RCAN1: variants seen among roughly 807,000 people sequenced by gnomAD.
The protein encoded by RCAN1 is regulator of calcineurin 1, also known as calcipressin-1.
RCAN1 carries 11 observed loss-of-function variants against 22.9 expected under a neutral mutation model. That is an observed-to-expected ratio of 0.48 (90% CI 0.30 to 0.79). The LOEUF (loss-of-function observed/expected upper bound fraction) is 0.79. RCAN1 is among the 30% of genes least tolerant of loss of function. RCAN1 has a pLI of 0.06. For missense variants in RCAN1, 291 were observed against 337.8 expected (o/e 0.86, Z 1.09); for synonymous variants, 136 against 142.3 (o/e 0.96, Z 0.32).
intron 1 of RCAN1, among the ~76,000 whole-genome samples, chr21:34,567,271 G>A (rs1015972946): frequency 1.2e-4 from 18 of 152,212 alleles, no homozygotes; most frequent in African/African-American, 4.3e-4. Flanking sequence ...CAAGGCGGGA[G>A]GATCAGGAGG....
chr21:34,546,263 T>G (rs1356817348), intron 1 of RCAN1, among the ~76,000 whole-genome samples: 1 of 152,184 alleles, frequency 6.6e-6, no homozygotes. Context: ...TTCCTTACAT[T>G]TCTTCCCAGC....
intron 1 of RCAN1, among the ~76,000 whole-genome samples, chr21:34,556,822 C>A (rs180763107): frequency 6.6e-6 from 1 of 152,286 alleles, no homozygotes; most frequent in East Asian, 1.9e-4. Flanking sequence ...AGTGGTGTGA[C>A]GTCAATCACA....
intron 1 of RCAN1, among the ~76,000 whole-genome samples, chr21:34,573,424 C>A (rs1263219655): frequency 6.6e-6 from 1 of 152,156 alleles, no homozygotes; most frequent in Non-Finnish European, 1.5e-5. Flanking sequence ...GCTTGCCTTG[C>A]CAAATTTCAA....
At chr21:34,521,682 G>C (rs1294515415) in intron 2 of RCAN1, 24 bp from the exon 3 acceptor site, 26 of 1,583,026 alleles carry the variant, frequency 1.6e-5, no homozygotes, top group Non-Finnish European at 2.1e-5. Flanking sequence ...ATAAGCACAG[G>C]TCAGTTGTTG....
At chr21:34,592,597 G>C (rs867962577) in intron 1 of RCAN1, among the ~76,000 whole-genome samples, 3 of 152,112 alleles carry the variant, frequency 2.0e-5, no homozygotes, top group African/African-American at 2.4e-5. Context: ...TCCCGGAGCC[G>C]TCTACATGCC....
chr21:34,517,976 C>A lies in RCAN1; in HGVS notation c.*108G>T. On this transcript the variant is annotated 3_prime_UTR_variant, in exon 4 of 4. Transcript: ENST00000313806. Reference sequence around the variant, plus strand: ...GAGCAACATGAACTGGGATTTCTGCCACCCCGATCTCGGCTGCCACCTCCG... The same window carrying A: ...GAGCAACATGAACTGGGATTTCTGCAACCCCGATCTCGGCTGCCACCTCCG... The A allele has an allele frequency of 7.3e-7, 1 of 1,370,438 alleles. No individual in the cohort carries two copies. Among genetic ancestry groups the A allele is most frequent in the South Asian group, 1.3e-5 (1 of 76,196 alleles). The allele number at this position is 1,370,438 out of a possible 1,614,324, so 84.9% of individuals were successfully genotyped here.
chr21:34,589,561 T>C (rs1987904729), intron 1 of RCAN1, among the ~76,000 whole-genome samples: 1 of 152,144 alleles, frequency 6.6e-6, no homozygotes, highest in South Asian at 2.1e-4. Context: ...AGACTGAGCA[T>C]TATCTCTGGA....
At chr21:34,553,032 G>A (rs1298788560) in intron 1 of RCAN1, among the ~76,000 whole-genome samples, 1 of 152,190 alleles carries the variant, frequency 6.6e-6, no homozygotes, top group African/African-American at 2.4e-5. Flanking sequence ...GCACAACACA[G>A]GGAGAAGCAA....
rs1984058301 is a variant in RCAN1 at position 34,516,612 on chromosome 21, C to A, written c.*1472G>T. The A allele has an allele frequency of 6.6e-6, 1 of 152,198 alleles. No individual in the cohort carries two copies. Among genetic ancestry groups the A allele is most frequent in the Non-Finnish European group, 1.5e-5 (1 of 68,026 alleles). The allele number at this position is 152,198 out of a possible 1,614,324, so 9.4% of individuals were successfully genotyped here. A position where few individuals can be genotyped will look rare whatever the true frequency, so the allele number is the denominator to read the frequency against. ...TGGACAGCGATGCAATGGTCTCTCC[C>A]AAACCGGCTCCCTCTTACCAAGTAC... is the stretch of plus-strand genomic sequence containing the variant. On this transcript the variant is annotated 3_prime_UTR_variant, in exon 4 of 4. Transcript: ENST00000313806.
chr21:34,575,058 CA>C (rs1987367555), intron 1 of RCAN1, among the ~76,000 whole-genome samples: 1 of 152,226 alleles, frequency 6.6e-6, no homozygotes, highest in Non-Finnish European at 1.5e-5. Context: ...CTCACAACTG[CA>C]AAATGTGAGG....
In RCAN1 at chr21:34,527,379, G is replaced by T. The variant is rs191784202; in HGVS notation, c.253-3669C>A. ...AGAAAACATTTTGAAATCTGTCTTG[G>T]TCAATAAAAATTTTAAAGGACAAAA... On this transcript the variant is annotated intron_variant, in intron 1 of 3. Coordinates refer to ENST00000313806, the MANE Select transcript of RCAN1 (RefSeq NM_004414.7). 1.7e-3 allele frequency among the ~76,000 whole-genome samples: 252 copies of T among 152,136 alleles called. 4 individuals are homozygous for T. Among genetic ancestry groups the T allele is most frequent in the African/African-American group, 5.8e-3 (241 of 41,480 alleles).
chr21:34,573,221 TC>T (rs1422491485), intron 1 of RCAN1, among the ~76,000 whole-genome samples: 2 of 152,144 alleles, frequency 1.3e-5, no homozygotes, highest in Non-Finnish European at 2.9e-5. Flanking sequence ...GACCAAAAGT[TC>T]CCAACATCCT....
chr21:34,563,794 T>TATAGAGAGAGAGAG (rs765741781), intron 1 of RCAN1, among the ~76,000 whole-genome samples: 1 of 48,724 alleles, frequency 2.1e-5, no homozygotes, highest in African/African-American at 8.4e-5. Flanking sequence ...TATATATATA[T>TATAGAGAGAGAGAG]AGAGAGAGAG....
chr21:34,577,039 G>T (rs895186083), intron 1 of RCAN1, among the ~76,000 whole-genome samples: 3 of 152,210 alleles, frequency 2.0e-5, no homozygotes, highest in Non-Finnish European at 2.9e-5. Flanking sequence ...TCAGCTCCAT[G>T]GAGAAGAGGT....
chr21:34,530,774 G>A (rs1985353658), intron 1 of RCAN1, among the ~76,000 whole-genome samples: 1 of 151,888 alleles, frequency 6.6e-6, no homozygotes, highest in Admixed American at 6.6e-5. Flanking sequence ...ACAGGCGCCT[G>A]CCACCACGCC....
intron 1 of RCAN1, among the ~76,000 whole-genome samples, chr21:34,546,194 A>G (rs1986129694): frequency 2.0e-5 from 3 of 152,204 alleles, no homozygotes; most frequent in African/African-American, 7.2e-5. Context: ...AATGGCGAGA[A>G]ATCACGTCAG....
At chr21:34,578,184 T>A (rs1187249210) in intron 1 of RCAN1, among the ~76,000 whole-genome samples, 1 of 152,220 alleles carries the variant, frequency 6.6e-6, no homozygotes, top group African/African-American at 2.4e-5. Context: ...ATGTAAGATC[T>A]TATATTCTCC....
At chr21:34,568,011 A>T (rs1987093906) in intron 1 of RCAN1, among the ~76,000 whole-genome samples, 1 of 152,150 alleles carries the variant, frequency 6.6e-6, no homozygotes, top group African/African-American at 2.4e-5. Flanking sequence ...CGGCTCTGGG[A>T]GCAGTGAGGG....
chr21:34,604,712 G>A (rs1014613112), intron 1 of RCAN1, among the ~76,000 whole-genome samples: 2 of 152,208 alleles, frequency 1.3e-5, no homozygotes, highest in African/African-American at 4.8e-5. Flanking sequence ...TGGGCTGTGA[G>A]TTCCGTGAAG....
Sources: allele counts gnomAD v4.1 joint callset (sites outside exome capture counted in the v4.1 genomes callset), GRCh38; gene constraint gnomAD v4.1.1; transcripts MANE v1.5; gene names NCBI Gene and HGNC (gene_info 2026-07-23, HGNC 2026-07-21).